Variants in MAP3K12 observed in about 807,000 individuals in gnomAD.
The protein encoded by MAP3K12 is mitogen-activated protein kinase kinase kinase 12.
In MAP3K12, 14 loss-of-function variants were observed where a neutral mutation model predicts 87.5. The observed-to-expected ratio is 0.16, with a 90% CI of 0.11 to 0.25. MAP3K12 has a LOEUF of 0.25. Among genes scored for constraint, MAP3K12 ranks in the 10% least tolerant of loss-of-function variants. The pLI is 1.00. For missense variants in MAP3K12, 802 were observed against 1,140.4 expected (o/e 0.70, Z 4.27); for synonymous variants, 469 against 452.5 (o/e 1.04, Z -0.46).
chr12:53,500,126 A>C (rs1943652070), upstream of MAP3K12: 1 of 151,952 alleles, frequency 6.6e-6, no homozygotes, highest in Non-Finnish European at 1.5e-5. Context: ...ACCCCGGCTC[A>C]GAGTAAGACA....
chr12:53,485,361 A>T lies in MAP3K12; in HGVS notation c.936T>A (p.Pro312=). ...SFAGTVAWMA[P]EVIRNEPVSE... Reference sequence around the variant, plus strand: ...ACACAGGTTCATTGCGGATCACCTCAGGGGCCATCCAGGCTACTGTCCCTG... The same window carrying T: ...ACACAGGTTCATTGCGGATCACCTCTGGGGCCATCCAGGCTACTGTCCCTG... The change falls in exon 5 of 14, where the codon CCT becomes CCA. Residue 312 remains proline, a synonymous_variant. Coordinates refer to ENST00000547488, the MANE Select transcript of MAP3K12 (RefSeq NM_001193511.2). The T allele has an allele frequency of 6.2e-7, 1 of 1,614,160 alleles. No homozygotes were observed. The highest frequency in any genetic ancestry group is 1.7e-5 in the Admixed American group (1 of 60,020).
chr12:53,498,245 A>G (rs1943582379), intron 1 of MAP3K12, among the ~76,000 whole-genome samples: 1 of 152,184 alleles, frequency 6.6e-6, no homozygotes, highest in Non-Finnish European at 1.5e-5. Context: ...GGGGCACTTG[A>G]GTCCTATCCT....
In MAP3K12 at chr12:53,479,815, A is replaced by C. The variant is rs1942940820; in HGVS notation, c.*1367T>G. The C allele has an allele frequency of 6.0e-6, 1 of 167,078 alleles. No homozygotes were observed. The highest frequency in any genetic ancestry group is 1.7e-4 in the South Asian group (1 of 5,760). The allele number at this position is 167,078 out of a possible 1,614,324, so 10.3% of individuals were successfully genotyped here. A position where few individuals can be genotyped will look rare whatever the true frequency, so the allele number is the denominator to read the frequency against. The stretch of plus-strand genomic sequence containing the variant: ...ACTGGAGCTTTTTCTTTGTGAATAG[A>C]AACTGGATGCCACAGTGATTCATGT... On this transcript the variant is annotated 3_prime_UTR_variant, in exon 14 of 14. Transcript: ENST00000547488.
chr12:53,484,917 G>A, intron 6 of MAP3K12, 139 bp downstream of exon 6: 1 of 1,111,154 alleles, frequency 9.0e-7, no homozygotes, highest in Non-Finnish European at 1.3e-6. Context: ...CAGCTCAGAA[G>A]GTAGCATGAG....
At position 53,481,264 on chromosome 12, in the gene MAP3K12, T is replaced by G; in HGVS notation, c.2597A>C (p.Glu866Ala). 2 of 1,562,882 alleles carry G rather than the reference T, an allele frequency of 1.3e-6. No individual in the cohort carries two copies. Among genetic ancestry groups the G allele is most frequent in the Non-Finnish European group, 1.7e-6 (2 of 1,155,158 alleles). ...TTCAGTGCTGTCACAGTCTGAGTCCTCAGAATTGGGAGGGCCCTGTGAGAA... is the reference window on the plus strand; with the variant it reads ...TTCAGTGCTGTCACAGTCTGAGTCCGCAGAATTGGGAGGGCCCTGTGAGAA... The part of the protein sequence containing the change: ...LLRERGPPNS[E>A]DSDCDSTELD... The change falls in exon 14 of 14, where the codon GAG becomes GCG. Residue 866 changes from glutamate to alanine, a missense_variant. Physicochemically the swap from Glu to Ala is moderately radical, Grantham distance 107. Coordinates refer to ENST00000547488, the MANE Select transcript of MAP3K12 (RefSeq NM_001193511.2).
At chr12:53,501,072 C>A, upstream of MAP3K12, 1 of 364,874 alleles carries the variant, frequency 2.7e-6, no homozygotes, top group South Asian at 2.9e-5. Context: ...CTTCACGGAC[C>A]GGGAGAGAGG....
rs957701305 is a variant in MAP3K12 at position 53,479,673 on chromosome 12, T to TTTTTTTTTTTTTTTGG, written c.*1508_*1509insCCAAAAAAAAAAAAAA. The TTTTTTTTTTTTTTTGG allele has an allele frequency of 2.7e-5, 10 of 372,698 alleles. No homozygotes were observed. The highest frequency in any genetic ancestry group is 7.2e-4 in the Middle Eastern group (1 of 1,386). 23.1% of individuals were successfully genotyped at this position (372,698 alleles called of 1,614,324 possible). A position where few individuals can be genotyped will look rare whatever the true frequency, so the allele number is the denominator to read the frequency against. ...TTAGTTTTATAAGCTTCTCCCTGGT[T>TTTTTTTTTTTTTTTGG]TTTTTTTTTTGGCTCATGAATTTTT... is the stretch of plus-strand genomic sequence containing the variant. On this transcript the variant is annotated 3_prime_UTR_variant, in exon 14 of 14. Transcript: ENST00000547488.
At position 53,482,222 on chromosome 12, in the gene MAP3K12, A is replaced by AAG. The variant is rs1163434518; in HGVS notation, c.2310-13_2310-12dup. The AAG allele has an allele frequency of 6.2e-7, 1 of 1,613,976 alleles. No individual in the cohort carries two copies. Among genetic ancestry groups the AAG allele is most frequent in the East Asian group, 2.2e-5 (1 of 44,888 alleles). On this transcript the variant is annotated splice_polypyrimidine_tract_variant and intron_variant, in intron 12 of 13. Coordinates refer to ENST00000547488, the MANE Select transcript of MAP3K12 (RefSeq NM_001193511.2). ...AGGCTCTGAGGCCACCTACATGTTGAAGAGGGGGATTACAGCTTGGTTCTG... is the reference window on the plus strand; with the variant it reads ...AGGCTCTGAGGCCACCTACATGTTGAAGAGAGGGGGATTACAGCTTGGTTCTG...
intron 1 of MAP3K12, among the ~76,000 whole-genome samples, chr12:53,498,099 C>T (rs1025035889): frequency 6.6e-6 from 1 of 152,098 alleles, no homozygotes; most frequent in Non-Finnish European, 1.5e-5. Flanking sequence ...CTAACATTAC[C>T]CCAGTTGACA....
intron 6 of MAP3K12, 144 bp from the exon 7 acceptor site, chr12:53,484,509 C>T: frequency 1.6e-6 from 1 of 639,340 alleles, no homozygotes; most frequent in Non-Finnish European, 2.8e-6. Flanking sequence ...TCAACTGTCT[C>T]TAGAGAATAT....
At chr12:53,492,237 T>C (rs1411428119) in intron 1 of MAP3K12, among the ~76,000 whole-genome samples, 3 of 152,242 alleles carry the variant, frequency 2.0e-5, no homozygotes, top group Non-Finnish European at 4.4e-5. Context: ...AGCCCCACTA[T>C]GCGTCCTCTA....
Position 53,483,132 on chromosome 12 carries a change from C to A in MAP3K12, c.1671G>T (p.Gly557=), listed in dbSNP as rs144272449. 3.9e-6 allele frequency: 6 copies of A among 1,520,874 alleles called. No individual in the cohort carries two copies. The highest frequency in any genetic ancestry group is 1.8e-4 in the Middle Eastern group (1 of 5,604). The allele number at this position is 1,520,874 out of a possible 1,614,324, so 94.2% of individuals were successfully genotyped here. ...LLPKLDAALS[G]VGLPGCPKGP... ...CCTTAGGACACCCAGGAAGCCCCACCCCACTCAGGGCTGCATCTAGTTTAG... is the reference window on the plus strand; with the variant it reads ...CCTTAGGACACCCAGGAAGCCCCACACCACTCAGGGCTGCATCTAGTTTAG... Residue 557 remains glycine, a synonymous_variant, in exon 11 of 14, where the codon GGG becomes GGT. Transcript: ENST00000547488.
chr12:53,497,027 G>A (rs1020068233), intron 1 of MAP3K12, among the ~76,000 whole-genome samples: 1 of 152,210 alleles, frequency 6.6e-6, no homozygotes, highest in Admixed American at 6.5e-5. Flanking sequence ...AATGTGGTGG[G>A]TAAGAACACA....
At position 53,486,138 on chromosome 12, in the gene MAP3K12, C is replaced by G; in HGVS notation, c.739G>C (p.Val247Leu). ...CCAGCGATGCCCATGGACCAGTCAACCAGTAAGGAGGGGGTGACAGGGCGG... is the reference window on the plus strand; with the variant it reads ...CCAGCGATGCCCATGGACCAGTCAAGCAGTAAGGAGGGGGTGACAGGGCGG... ...AGRPVTPSLLVDWSMGIAGGM... is the reference protein window; with the variant it reads ...AGRPVTPSLLLDWSMGIAGGM... The change falls in exon 4 of 14, where the codon GTT (valine) becomes CTT (leucine). Residue 247 changes from valine (V) to leucine (L), a missense_variant. This residue lies in a region of MAP3K12 where 57 missense variants were observed against 161.8 expected (regional missense o/e 0.35). Coordinates refer to ENST00000547488, the MANE Select transcript of MAP3K12 (RefSeq NM_001193511.2). This position sits in a 1 kb window ranked among gnomAD's most constrained non-coding sequence, Gnocchi z 4.9. 6.2e-7 allele frequency: 1 copy of G among 1,614,178 alleles called. No homozygotes were observed. Among genetic ancestry groups the G allele is most frequent in the Non-Finnish European group, 8.5e-7 (1 of 1,180,024 alleles).
chr12:53,489,280 C>G (rs1002131690), intron 1 of MAP3K12, among the ~76,000 whole-genome samples: 3 of 152,002 alleles, frequency 2.0e-5, no homozygotes, highest in African/African-American at 7.3e-5. Context: ...CAGTAAGCCA[C>G]TGAATCCCAG....
At chr12:53,489,264 A>G (rs1943334668) in intron 1 of MAP3K12, among the ~76,000 whole-genome samples, 1 of 152,122 alleles carries the variant, frequency 6.6e-6, no homozygotes, top group Admixed American at 6.5e-5. Context: ...CAGGTGGCGG[A>G]GGTTGCAGTA....
intron 5 of MAP3K12, 29 bp downstream of exon 5, chr12:53,485,288 C>G (rs774661370): frequency 6.2e-7 from 1 of 1,607,260 alleles, no homozygotes; most frequent in Non-Finnish European, 8.5e-7. Context: ...TGGCCACCCA[C>G]TCTTCTCAGT....
At position 53,483,359 on chromosome 12, in the gene MAP3K12, G is replaced by A. The variant is rs1943132500; in HGVS notation, c.1603C>T (p.His535Tyr). The change falls in exon 10 of 14, where the codon CAT becomes TAT. Residue 535 changes from histidine to tyrosine, a missense_variant. By Grantham distance (83) the His-to-Tyr change is moderately conservative. Around this residue, in one of 5 missense-constraint regions of MAP3K12, gnomAD observed 490 missense variants for 496.6 expected, o/e 0.99. Coordinates refer to ENST00000547488, the MANE Select transcript of MAP3K12 (RefSeq NM_001193511.2). ...KRNVPQKLSP[H>Y]SKRPDILKTE... The stretch of plus-strand genomic sequence containing the variant: ...GTACTCATGTCCCACCTTTTGCTAT[G>A]GGGTGACAGCTTCTGTGGCACATTC... The A allele has an allele frequency of 6.2e-7, 1 of 1,613,934 alleles. No homozygotes were observed. The highest frequency in any genetic ancestry group is 1.7e-5 in the Admixed American group (1 of 59,990).
chr12:53,484,919 T>G (rs1800002409), intron 6 of MAP3K12, 137 bp downstream of exon 6: 1 of 1,127,750 alleles, frequency 8.9e-7, no homozygotes, highest in Non-Finnish European at 1.3e-6. Context: ...GCTCAGAAGG[T>G]AGCATGAGCC....
Sources: allele counts gnomAD v4.1 joint callset (sites outside exome capture counted in the v4.1 genomes callset), GRCh38; gene constraint gnomAD v4.1.1; regional missense constraint gnomAD v4.1.1; non-coding constraint Gnocchi (gnomAD v3.1); transcripts MANE v1.5; gene names NCBI Gene and HGNC (gene_info 2026-07-23, HGNC 2026-07-21).